Variants in EXOC2 observed in about 807,000 individuals in gnomAD.
The protein encoded by EXOC2 is exocyst complex component 2.
In EXOC2, 70 loss-of-function variants were observed where a neutral mutation model predicts 131.8. That is an observed-to-expected ratio of 0.53 (90% CI 0.44 to 0.65). EXOC2 has a LOEUF of 0.65. Ranked by LOEUF, EXOC2 falls within the 30% of genes least tolerant of loss-of-function variation. The pLI, the probability that EXOC2 is intolerant of heterozygous loss-of-function variation, is 0.00. For missense variants in EXOC2, 923 were observed against 1,108.6 expected (o/e 0.83, Z 2.38); for synonymous variants, 411 against 398.4 (o/e 1.03, Z -0.38).
At chr6:599,985 T>C (rs907469321) in intron 7 of EXOC2, among the ~76,000 whole-genome samples, 3 of 152,174 alleles carry the variant, frequency 2.0e-5, no homozygotes, top group African/African-American at 7.2e-5. Context: ...TAGTTTTAAT[T>C]CCACAACGAA....
intron 1 of EXOC2, chr6:670,375 AT>A (rs1356063748): frequency 2.0e-5 from 3 of 152,182 alleles, no homozygotes; most frequent in Admixed American, 6.5e-5. Context: ...AGTGTTTGGC[AT>A]TTTACAATAA....
intron 23 of EXOC2, among the ~76,000 whole-genome samples, chr6:512,996 T>C (rs572320033): frequency 2.0e-4 from 30 of 152,332 alleles, no homozygotes; most frequent in African/African-American, 7.0e-4. Flanking sequence ...TCGTCTGGCA[T>C]TTTATTTTCA....
intron 23 of EXOC2, among the ~76,000 whole-genome samples, chr6:509,537 T>C (rs1474997210): frequency 1.3e-5 from 2 of 152,214 alleles, no homozygotes; most frequent in Non-Finnish European, 2.9e-5. Context: ...TCTTAACAGC[T>C]ATTTGACAAA....
At chr6:572,480 G>A (rs2073009) in intron 13 of EXOC2, 40 bp downstream of exon 13, 887,531 of 1,575,246 alleles carry the variant, frequency 0.56, 254,400 homozygotes, top group Admixed American at 0.64. Flanking sequence ...AGAAATGCAC[G>A]GTGACTCAGC....
intron 1 of EXOC2, among the ~76,000 whole-genome samples, chr6:690,219 G>A (rs1264336928): frequency 1.3e-5 from 2 of 152,104 alleles, no homozygotes; most frequent in Non-Finnish European, 2.9e-5. Flanking sequence ...AGCCGAACCC[G>A]GTGGCACGCA....
chr6:574,109 G>A (rs996625554), intron 12 of EXOC2, among the ~76,000 whole-genome samples: 17 of 152,114 alleles, frequency 1.1e-4, no homozygotes, highest in East Asian at 3.8e-4. Context: ...TTGACGTATC[G>A]TAATTTAACA....
intron 11 of EXOC2, among the ~76,000 whole-genome samples, chr6:591,591 A>G (rs1054679052): frequency 6.6e-6 from 1 of 152,034 alleles, no homozygotes; most frequent in Non-Finnish European, 1.5e-5. Flanking sequence ...AAGCACTCCA[A>G]TGTCACTCAG....
At chr6:556,874 A>G (rs1328752947) in intron 17 of EXOC2, among the ~76,000 whole-genome samples, 1 of 152,234 alleles carries the variant, frequency 6.6e-6, no homozygotes, top group Non-Finnish European at 1.5e-5. Flanking sequence ...TACAACGAGG[A>G]GCAGATATAA....
At chr6:532,741 T>C (rs1434964328) in intron 22 of EXOC2, 131 bp from the exon 23 acceptor site, 24 of 875,282 alleles carry the variant, frequency 2.7e-5, no homozygotes, top group Non-Finnish European at 3.8e-5. Context: ...CTCGTGACTT[T>C]TATATATTTT....
chr6:524,117 A>G (rs1765623485), intron 23 of EXOC2: 1 of 152,216 alleles, frequency 6.6e-6, no homozygotes, highest in Non-Finnish European at 1.5e-5. Flanking sequence ...AGTAAGAGCA[A>G]TATATGCTGA....
chr6:658,670 T>TATA (rs1332684843), intron 1 of EXOC2, among the ~76,000 whole-genome samples: 2 of 137,150 alleles, frequency 1.5e-5, no homozygotes, highest in Non-Finnish European at 3.1e-5. Context: ...TATATATTTT[T>TATA]TTTTTTTTTA....
intron 1 of EXOC2, among the ~76,000 whole-genome samples, chr6:650,818 G>C (rs1762794174): frequency 6.6e-6 from 1 of 152,154 alleles, no homozygotes; most frequent in African/African-American, 2.4e-5. Context: ...CAAAGCAACA[G>C]AACTAGAGAC....
Position 597,422 on chromosome 6 carries a change from G to A in EXOC2, c.1073+599C>T, listed in dbSNP as rs575503030. Among the ~76,000 whole-genome samples, 140 of 152,156 alleles carry A rather than the reference G, an allele frequency of 9.2e-4. 2 individuals carry two copies. Among genetic ancestry groups the A allele is most frequent in the South Asian group, 2.5e-3 (12 of 4,814 alleles). On this transcript the variant is annotated intron_variant, in intron 10 of 27. Transcript: ENST00000230449. ...AAACTCCTGACCTAGTGATCCGCCC[G>A]CCTCAGCCTCCCAAAGTGCTGTGCT...
In EXOC2 at chr6:497,429, A is replaced by T; in HGVS notation, c.2497T>A (p.Ser833Thr). ...RVLSKVIEAVSEELSRLMQCV... is the reference protein window; with the variant it reads ...RVLSKVIEAVTEELSRLMQCV... ...TGCATCAGTCGACTGAGCTCTTCAG[A>T]AACTGCTTCTATCACCTTGGATAGT... Residue 833 changes from serine to threonine, a missense_variant, in exon 25 of 28, where the codon TCT becomes ACT. Transcript: ENST00000230449. 1.2e-6 allele frequency: 2 copies of T among 1,614,098 alleles called. No homozygotes were observed. The highest frequency in any genetic ancestry group is 1.7e-6 in the Non-Finnish European group (2 of 1,179,982).
At chr6:640,972 C>T (rs1762327571) in intron 1 of EXOC2, among the ~76,000 whole-genome samples, 1 of 151,720 alleles carries the variant, frequency 6.6e-6, no homozygotes, top group Admixed American at 6.6e-5. Flanking sequence ...GAACTAGATG[C>T]CATGAAAATA....
At chr6:542,647 C>A (rs1756622759) in intron 22 of EXOC2, among the ~76,000 whole-genome samples, 1 of 152,212 alleles carries the variant, frequency 6.6e-6, no homozygotes, top group Non-Finnish European at 1.5e-5. Flanking sequence ...TTAACCATCA[C>A]CTCATAAAGA....
intron 1 of EXOC2, among the ~76,000 whole-genome samples, chr6:685,869 C>CTTTTTTTTTTTTTTTTTTTTTTTTTTT (rs58892194): frequency 2.0e-5 from 2 of 98,238 alleles, no homozygotes; most frequent in African/African-American, 4.0e-5. Context: ...TCCTGGACCT[C>CTTTTTTTTTTTTTTTTTTTTTTTTTTT]TTTTTTTTTT....
chr6:663,526 C>T (rs979799686), intron 1 of EXOC2, among the ~76,000 whole-genome samples: 1 of 152,112 alleles, frequency 6.6e-6, no homozygotes, highest in African/African-American at 2.4e-5. Flanking sequence ...AACATAGATG[C>T]TAAAATCCTT....
rs550736731 is a variant in EXOC2 at position 659,905 on chromosome 6, G to C, written c.-43-22044C>G. On this transcript the variant is annotated intron_variant, in intron 1 of 27. Transcript: ENST00000230449. ...GCAAATCTGGTGTGCAGACTCCACAGGCGGGGACAGAACCCAGCCTTTTTA... is the reference window on the plus strand; with the variant it reads ...GCAAATCTGGTGTGCAGACTCCACACGCGGGGACAGAACCCAGCCTTTTTA... 4.2e-3 allele frequency among the ~76,000 whole-genome samples: 635 copies of C among 152,176 alleles called. 4 individuals carry two copies. Among genetic ancestry groups the C allele is most frequent in the African/African-American group, 0.015 (603 of 41,518 alleles).
Sources: gnomAD v4.1 joint callset for allele counts (sites outside exome capture counted in the v4.1 genomes callset) on GRCh38, gnomAD v4.1.1 for gene constraint, MANE v1.5 for transcripts, NCBI Gene and HGNC (gene_info 2026-07-23, HGNC 2026-07-21) for gene names.